UBE3D: variants seen among roughly 807,000 people sequenced by gnomAD.
UBE3D encodes ubiquitin protein ligase E3D, also known as E3 ubiquitin-protein ligase E3D.
A neutral mutation model predicts 49.6 loss-of-function variants in UBE3D; 48 were observed. The observed-to-expected ratio is 0.97, with a 90% CI of 0.77 to 1.23. UBE3D has a LOEUF of 1.23. Among genes scored for constraint, UBE3D ranks in the 50% most tolerant of loss-of-function variants. The probability of loss-of-function intolerance (pLI) is 0.00; values close to 1 mark genes in which losing one functional copy is unlikely to be tolerated. For synonymous variants in UBE3D, 189 were observed against 174.2 expected (o/e 1.08, Z -0.67); for missense variants, 452 against 468.4 (o/e 0.96, Z 0.32).
At chr6:82,965,056 C>A (rs1337213855) in intron 8 of UBE3D, among the ~76,000 whole-genome samples, 1 of 152,098 alleles carries the variant, frequency 6.6e-6, no homozygotes, top group East Asian at 1.9e-4. Context: ...GTACACAATT[C>A]CTGAATGCTA....
In UBE3D at chr6:83,048,824, C is replaced by T. The variant is rs1280737556; in HGVS notation, c.366-4165G>A. On this transcript the variant is annotated intron_variant, in intron 3 of 9. Coordinates refer to ENST00000369747, the MANE Select transcript of UBE3D (RefSeq NM_198920.3). ...TTACTGAAAGCATATTTATCTAAAACCCTGAAAAATATACTTTGATATGAT... is the reference window on the plus strand; with the variant it reads ...TTACTGAAAGCATATTTATCTAAAATCCTGAAAAATATACTTTGATATGAT... Among the ~76,000 whole-genome samples the T allele has an allele frequency of 2.6e-5, 4 of 152,060 alleles. No homozygotes were observed. In the East Asian group the frequency reaches 7.7e-4, roughly 29 times the overall value.
At chr6:83,052,558 GC>G (rs1466464357) in intron 3 of UBE3D, among the ~76,000 whole-genome samples, 2 of 152,098 alleles carry the variant, frequency 1.3e-5, no homozygotes, top group African/African-American at 4.8e-5. Context: ...CTTTCATAAG[GC>G]CCCAGGGTGA....
chr6:83,035,314 T>G (rs958569259), intron 5 of UBE3D, among the ~76,000 whole-genome samples: 2 of 152,232 alleles, frequency 1.3e-5, no homozygotes, highest in Admixed American at 6.5e-5. Context: ...GTACACCTTG[T>G]TACCCAATTC....
chr6:82,898,949 A>C (rs1409882523), intron 9 of UBE3D, among the ~76,000 whole-genome samples: 1 of 152,156 alleles, frequency 6.6e-6, no homozygotes, highest in Non-Finnish European at 1.5e-5. Context: ...CTGAGAAGGA[A>C]TTTCCGCCTC....
At chr6:82,987,103 C>T (rs1778573341) in intron 8 of UBE3D, among the ~76,000 whole-genome samples, 1 of 151,878 alleles carries the variant, frequency 6.6e-6, no homozygotes, top group Non-Finnish European at 1.5e-5. Context: ...ACAGATGTAG[C>T]CAGGTGGGAC....
intron 3 of UBE3D, among the ~76,000 whole-genome samples, chr6:83,044,910 T>C (rs993527579): frequency 7.2e-5 from 11 of 152,222 alleles, no homozygotes; most frequent in Non-Finnish European, 2.9e-5. Context: ...TGTATTTCTT[T>C]GCCATCCGTT....
intron 2 of UBE3D, among the ~76,000 whole-genome samples, chr6:83,056,758 C>G (rs533343323): frequency 1.3e-5 from 2 of 152,276 alleles, no homozygotes; most frequent in African/African-American, 4.8e-5. Flanking sequence ...ATGGCTCTTC[C>G]AAACACTCCT....
chr6:83,054,310 T>TAAC, intron 2 of UBE3D, 72 bp from the exon 3 acceptor site: 1 of 1,141,428 alleles, frequency 8.8e-7, no homozygotes, highest in South Asian at 1.3e-5. Context: ...AACAGTTCAA[T>TAAC]AGCCACGATA....
chr6:82,885,866 G>A, the UBE3D span, among the ~76,000 whole-genome samples: 3 of 152,086 alleles, frequency 2.0e-5, no homozygotes, highest in East Asian at 1.9e-4. Flanking sequence ...CTTCCAGAGT[G>A]TCTTATTCTT....
chr6:83,029,301 A>G (rs536624546), intron 5 of UBE3D, among the ~76,000 whole-genome samples: 9 of 152,178 alleles, frequency 5.9e-5, no homozygotes, highest in African/African-American at 1.9e-4. Flanking sequence ...ATTTTGTTTT[A>G]GACTTTTTTT....
In UBE3D at chr6:82,957,397, G is replaced by C. The variant is rs201448398; in HGVS notation, c.1064C>G (p.Ser355Cys). The C allele has an allele frequency of 1.6e-4, 262 of 1,614,022 alleles. 2 individuals are homozygous for C. In the South Asian group the frequency reaches 2.7e-3, roughly 17 times the overall value. ...DISVHPLTLP[S>C]ATCLELLLIL... ...CAACAGCAGCTCCAAGCAGGTTGCA[G>C]AGGGCAGGGTTAGCGGGTGGACGCT... The change falls in exon 9 of 10, where the codon TCT becomes TGT. Residue 355 changes from serine to cysteine, a missense_variant. By Grantham distance (112) the Ser-to-Cys change is moderately radical (BLOSUM62 -1). Transcript: ENST00000369747.
chr6:83,064,382 C>A (rs1338505777), intron 1 of UBE3D, among the ~76,000 whole-genome samples: 1 of 152,128 alleles, frequency 6.6e-6, no homozygotes, highest in East Asian at 1.9e-4. Flanking sequence ...TGCGCGCCAC[C>A]ACACCCAGCT....
chr6:83,024,556 C>T (rs1582670294), intron 5 of UBE3D, among the ~76,000 whole-genome samples: 1 of 152,076 alleles, frequency 6.6e-6, no homozygotes, highest in Admixed American at 6.5e-5. Flanking sequence ...TTGAGTTAAG[C>T]ACTCTGGAAT....
intron 9 of UBE3D, among the ~76,000 whole-genome samples, chr6:82,896,195 A>G (rs1771302392): frequency 6.6e-6 from 1 of 152,186 alleles, no homozygotes; most frequent in Admixed American, 6.5e-5. Context: ...TATCCATGAC[A>G]AGAAAAATTA....
At chr6:82,916,546 T>C (rs2127730985) in intron 9 of UBE3D, among the ~76,000 whole-genome samples, 1 of 152,328 alleles carries the variant, frequency 6.6e-6, no homozygotes, top group South Asian at 2.1e-4. Context: ...TTAGCTTCAA[T>C]AAATGAAATA....
intron 1 of UBE3D, among the ~76,000 whole-genome samples, 195 bp downstream of exon 1, chr6:83,065,447 T>C (rs1441824127): frequency 6.6e-6 from 1 of 152,120 alleles, no homozygotes. Context: ...TCCCCAAAGA[T>C]ACCCACACTG....
chr6:82,996,748 G>C (rs1007887146), intron 8 of UBE3D, among the ~76,000 whole-genome samples: 6 of 152,094 alleles, frequency 3.9e-5, no homozygotes, highest in African/African-American at 1.4e-4. Context: ...GGCATGAAGG[G>C]ATATACTACA....
intron 8 of UBE3D, among the ~76,000 whole-genome samples, chr6:83,015,876 C>A (rs1300734306): frequency 6.6e-6 from 1 of 152,122 alleles, no homozygotes; most frequent in African/African-American, 2.4e-5. Flanking sequence ...GGGGACATTG[C>A]CACTACTGGG....
At chr6:83,033,645 C>T (rs1324661722) in intron 5 of UBE3D, among the ~76,000 whole-genome samples, 3 of 152,198 alleles carry the variant, frequency 2.0e-5, no homozygotes, top group Non-Finnish European at 4.4e-5. Flanking sequence ...AGATGCCTCA[C>T]TCCTCCTGTT....
Sources: allele counts gnomAD v4.1 joint callset (sites outside exome capture counted in the v4.1 genomes callset), GRCh38; gene constraint gnomAD v4.1.1; transcripts MANE v1.5; gene names NCBI Gene and HGNC (gene_info 2026-07-23, HGNC 2026-07-21).